Variants in ADAMTSL3 observed in about 807,000 individuals in gnomAD.
The protein encoded by ADAMTSL3 is ADAMTS-like protein 3.
ADAMTSL3 carries 128 observed loss-of-function variants against 201.7 expected under a neutral mutation model. That is an observed-to-expected ratio of 0.63 (90% CI 0.55 to 0.73). ADAMTSL3 has a LOEUF of 0.73. Ranked by LOEUF, ADAMTSL3 falls within the 30% of genes least tolerant of loss-of-function variation. The pLI, the probability that ADAMTSL3 is intolerant of heterozygous loss-of-function variation, is 0.00. For synonymous variants in ADAMTSL3, 738 were observed against 748.4 expected (o/e 0.99, Z 0.23); for missense variants, 1,990 against 2,119.6 (o/e 0.94, Z 1.20).
intron 2 of ADAMTSL3, among the ~76,000 whole-genome samples, chr15:83,695,123 G>GGGGGTATGTT (rs1376156945): frequency 7.1e-6 from 1 of 140,102 alleles, no homozygotes; most frequent in Non-Finnish European, 1.6e-5. Context: ...TGGTGTGTGT[G>GGGGGTATGTT]TGTGGGGGTA....
At chr15:83,905,911 TG>T (rs1225956666) in intron 15 of ADAMTSL3, among the ~76,000 whole-genome samples, 1 of 152,078 alleles carries the variant, frequency 6.6e-6, no homozygotes. Flanking sequence ...TTTTTTTAAA[TG>T]TTATTTTGTA....
Position 83,833,001 on chromosome 15 carries a change from GAATAAA to G in ADAMTSL3, c.601-5076_601-5071del, listed in dbSNP as rs1203968166. ...AGATGAAGAAACCACTTAGAATTTA[GAATAAA>G]AATAAAAATAATAGCAACTAACACT... On this transcript the variant is annotated intron_variant, in intron 6 of 29. Coordinates refer to ENST00000286744, the MANE Select transcript of ADAMTSL3 (RefSeq NM_207517.3). Among the ~76,000 whole-genome samples, 10 of 152,236 alleles carry G rather than the reference GAATAAA, an allele frequency of 6.6e-5. No individual in the cohort carries two copies. The East Asian group carries it at 1.7e-3, about 26-fold the overall frequency.
At chr15:83,974,627 G>A (rs934400909) in intron 20 of ADAMTSL3, among the ~76,000 whole-genome samples, 1 of 152,158 alleles carries the variant, frequency 6.6e-6, no homozygotes, top group African/African-American at 2.4e-5. Context: ...TTATCAGAAT[G>A]AATTGTATTC....
rs561071578 is a variant in ADAMTSL3 at position 83,654,662 on chromosome 15, G to A, written c.-34+386G>A. Among the ~76,000 whole-genome samples, 58 of 152,272 alleles carry A rather than the reference G, an allele frequency of 3.8e-4. No individual in the cohort carries two copies. The highest frequency in any genetic ancestry group is 1.4e-3 in the African/African-American group (58 of 41,570). ...GGGTAGCGAGCGCCCAGAACGCCGG[G>A]GGTTGAGGCGACGCGCGATCGTGGA... On this transcript the variant is annotated intron_variant, in intron 1 of 29. Transcript: ENST00000286744. The surrounding 1 kb of genome is among the most constrained non-coding windows in gnomAD (Gnocchi z 5.3).
At chr15:83,837,706 G>A (rs1412616249) in intron 6 of ADAMTSL3, among the ~76,000 whole-genome samples, 2 of 151,638 alleles carry the variant, frequency 1.3e-5, no homozygotes, top group Non-Finnish European at 2.9e-5. Context: ...GGAGGCTGAG[G>A]TGGGAGGATC....
chr15:83,813,357 G>C (rs956210657), intron 5 of ADAMTSL3, among the ~76,000 whole-genome samples: 1 of 152,168 alleles, frequency 6.6e-6, no homozygotes, highest in Non-Finnish European at 1.5e-5. Context: ...CTGACTTAAC[G>C]AGGACAGACT....
In ADAMTSL3 at chr15:83,823,972, T is replaced by TC. The variant is rs1567170043; in HGVS notation, c.600+3926dup. On this transcript the variant is annotated intron_variant, in intron 6 of 29. Coordinates refer to ENST00000286744, the MANE Select transcript of ADAMTSL3 (RefSeq NM_207517.3). ...TTCTTCTTCTTCTTCTTCTTCTTCT[T>TC]CTCCTCCTCCTCCTCCTCCTTCTCC... Among the ~76,000 whole-genome samples, 80 of 71,204 alleles carry TC rather than the reference T, an allele frequency of 1.1e-3. 2 individuals carry two copies. Among genetic ancestry groups the TC allele is most frequent in the East Asian group, 2.3e-3 (6 of 2,572 alleles). 46.7% of individuals were successfully genotyped at this position (71,204 alleles called of 152,430 possible).
At chr15:83,781,341 C>G (rs1476137407) in intron 4 of ADAMTSL3, among the ~76,000 whole-genome samples, 2 of 151,894 alleles carry the variant, frequency 1.3e-5, no homozygotes, top group East Asian at 3.9e-4. Context: ...ACAAACCTGA[C>G]AAAAAAACAA....
intron 2 of ADAMTSL3, among the ~76,000 whole-genome samples, chr15:83,677,263 A>C (rs2061419781): frequency 6.6e-6 from 1 of 151,920 alleles, no homozygotes; most frequent in Admixed American, 6.6e-5. Flanking sequence ...TGTTGGGTGG[A>C]GTGTTCTTTA....
At chr15:83,718,890 G>A (rs1042105398) in intron 3 of ADAMTSL3, among the ~76,000 whole-genome samples, 1 of 152,064 alleles carries the variant, frequency 6.6e-6, no homozygotes, top group Non-Finnish European at 1.5e-5. Context: ...TATTCATTCT[G>A]CCTTTTCTAT....
At chr15:83,714,797 CTCTT>C (rs894136651) in intron 3 of ADAMTSL3, among the ~76,000 whole-genome samples, 1 of 50,244 alleles carries the variant, frequency 2.0e-5, no homozygotes, top group East Asian at 3.2e-4. Flanking sequence ...TTCTTTCTCT[CTCTT>C]TCTTTCTTCT....
intron 13 of ADAMTSL3, among the ~76,000 whole-genome samples, chr15:83,894,361 CATAT>C (rs1196069449): frequency 6.6e-6 from 1 of 152,148 alleles, no homozygotes; most frequent in Admixed American, 6.5e-5. Flanking sequence ...TATTTCTTCA[CATAT>C]ATTTAGGTTG....
At chr15:83,986,855 T>C (rs927543341) in intron 21 of ADAMTSL3, among the ~76,000 whole-genome samples, 3 of 152,128 alleles carry the variant, frequency 2.0e-5, no homozygotes, top group Non-Finnish European at 4.4e-5. Context: ...TTACTTCAAG[T>C]TAAGAGTAAG....
At chr15:83,776,584 G>A (rs576947678) in intron 4 of ADAMTSL3, among the ~76,000 whole-genome samples, 17 of 152,268 alleles carry the variant, frequency 1.1e-4, no homozygotes, top group African/African-American at 4.1e-4. Context: ...GGGCATGGTG[G>A]CACATGCCTG....
chr15:83,967,503 A>G (rs979594779), intron 19 of ADAMTSL3, among the ~76,000 whole-genome samples: 5 of 152,144 alleles, frequency 3.3e-5, no homozygotes, highest in African/African-American at 9.6e-5. Flanking sequence ...GGAGAACTAC[A>G]TACAAACCAC....
intron 8 of ADAMTSL3, among the ~76,000 whole-genome samples, chr15:83,867,553 C>G (rs767017997): frequency 5.9e-5 from 9 of 152,206 alleles, no homozygotes; most frequent in Admixed American, 4.6e-4. Flanking sequence ...TAAGCCCTAT[C>G]TGAGGACCAT....
chr15:83,665,359 G>A (rs188372387), intron 2 of ADAMTSL3, among the ~76,000 whole-genome samples: 37 of 152,226 alleles, frequency 2.4e-4, no homozygotes, highest in Non-Finnish European at 4.9e-4. Context: ...TCTCACCTTC[G>A]GGGGAAGGTG....
At chr15:83,747,301 TCTTTCA>T (rs1317530759) in intron 3 of ADAMTSL3, among the ~76,000 whole-genome samples, 1 of 152,240 alleles carries the variant, frequency 6.6e-6, no homozygotes, top group Non-Finnish European at 1.5e-5. Flanking sequence ...CTGCTGCTCG[TCTTTCA>T]CTTTCTCTTT....
chr15:83,722,449 A>G (rs1051152208), intron 3 of ADAMTSL3, among the ~76,000 whole-genome samples: 1 of 152,228 alleles, frequency 6.6e-6, no homozygotes, highest in Non-Finnish European at 1.5e-5. Context: ...TTTGATTTCA[A>G]AAAATGGAAA....
Sources: allele counts gnomAD v4.1 joint callset (sites outside exome capture counted in the v4.1 genomes callset), GRCh38; gene constraint gnomAD v4.1.1; non-coding constraint Gnocchi (gnomAD v3.1); transcripts MANE v1.5; gene names NCBI Gene and HGNC (gene_info 2026-07-23, HGNC 2026-07-21).